Variants in ZNF704 observed in about 807,000 individuals in gnomAD.
The protein encoded by ZNF704 is zinc finger protein 704.
ZNF704 carries 10 observed loss-of-function variants against 44.7 expected under a neutral mutation model. The observed-to-expected ratio is 0.22, with a 90% confidence interval of 0.14 to 0.38. The LOEUF is 0.38. Ranked by LOEUF, ZNF704 falls within the 10% of genes least tolerant of loss-of-function variation. ZNF704 has a pLI of 1.00. For synonymous variants in ZNF704, 211 were observed against 207.6 expected, an observed-to-expected ratio of 1.02 and a Z score of -0.14; for missense variants, 390 against 545.5, an observed-to-expected ratio of 0.71 and a Z score of 2.84.
intron 2 of ZNF704, among the ~76,000 whole-genome samples, chr8:80,765,534 G>A (rs1489752272): frequency 6.6e-6 from 1 of 152,114 alleles, no homozygotes; most frequent in Non-Finnish European, 1.5e-5. Flanking sequence ...TAATAGTTCA[G>A]CCCAACATGA....
intron 4 of ZNF704, 98 bp downstream of exon 4, chr8:80,687,128 G>GGT (rs1209682950): frequency 2.1e-6 from 2 of 947,210 alleles, no homozygotes; most frequent in African/African-American, 3.3e-5. Context: ...ACAGAAAGGG[G>GGT]GTGTAGGTCC....
At position 80,727,295 on chromosome 8, in the gene ZNF704, G is replaced by A. The variant is rs1261378379; in HGVS notation, c.222-34188C>T. Among the ~76,000 whole-genome samples the A allele has an allele frequency of 3.3e-5, 5 of 152,264 alleles. No homozygotes were observed. In the East Asian group the frequency reaches 9.6e-4, roughly 29 times the overall value. Reference sequence around the variant, plus strand: ...TACGATCGGCTCAGACCCAGCATCGGTTCAGTCATAGATCAAGTTGTTGTT... The same window carrying A: ...TACGATCGGCTCAGACCCAGCATCGATTCAGTCATAGATCAAGTTGTTGTT... On this transcript the variant is annotated intron_variant, in intron 2 of 8. Transcript: ENST00000327835.
At chr8:80,673,472 C>G (rs1051882997) in intron 4 of ZNF704, 14 of 152,178 alleles carry the variant, frequency 9.2e-5, no homozygotes, top group African/African-American at 3.4e-4. Flanking sequence ...CCACCCTGAC[C>G]AACACATACA....
intron 7 of ZNF704, among the ~76,000 whole-genome samples, chr8:80,648,594 A>G (rs1373391445): frequency 6.6e-6 from 1 of 152,208 alleles, no homozygotes; most frequent in African/African-American, 2.4e-5. Context: ...AATAATCTAT[A>G]TCTACATCTT....
intron 2 of ZNF704, among the ~76,000 whole-genome samples, chr8:80,819,437 T>C (rs1808228637): frequency 6.6e-6 from 1 of 152,042 alleles, no homozygotes; most frequent in African/African-American, 2.4e-5. Context: ...TAATTCCAGG[T>C]CTTTTAACAT....
chr8:80,677,673 G>C (rs971500640), intron 4 of ZNF704, among the ~76,000 whole-genome samples: 1 of 152,110 alleles, frequency 6.6e-6, no homozygotes, highest in Non-Finnish European at 1.5e-5. Flanking sequence ...CTTTTGCTGG[G>C]TTTTCAAGAG....
chr8:80,864,402 C>A (rs1437629245), intron 1 of ZNF704, among the ~76,000 whole-genome samples: 1 of 152,058 alleles, frequency 6.6e-6, no homozygotes, highest in Non-Finnish European at 1.5e-5. Flanking sequence ...ATATCACAAT[C>A]TATATTCACC....
chr8:80,829,418 G>T (rs368808223), intron 1 of ZNF704, among the ~76,000 whole-genome samples: 3 of 152,244 alleles, frequency 2.0e-5, no homozygotes, highest in Admixed American at 6.5e-5. Flanking sequence ...TAGTTTTGAT[G>T]ATTATAAATT....
At chr8:80,733,161 T>C (rs1806610363) in intron 2 of ZNF704, among the ~76,000 whole-genome samples, 1 of 152,194 alleles carries the variant, frequency 6.6e-6, no homozygotes, top group Non-Finnish European at 1.5e-5. Flanking sequence ...TGGTTTATTT[T>C]GGTAGTTTCA....
chr8:80,826,701 CAGCA>C (rs1448388046), intron 1 of ZNF704, among the ~76,000 whole-genome samples: 1 of 152,176 alleles, frequency 6.6e-6, no homozygotes, highest in Non-Finnish European at 1.5e-5. Flanking sequence ...CCGAATCCAG[CAGCA>C]TATCACAAAG....
intron 6 of ZNF704, among the ~76,000 whole-genome samples, chr8:80,660,483 A>C (rs1030331340): frequency 2.0e-5 from 3 of 152,162 alleles, no homozygotes; most frequent in Non-Finnish European, 2.9e-5. Context: ...AAAAAAAAAA[A>C]AAAACCTGGA....
chr8:80,642,727 T>TA (rs1315413875), intron 8 of ZNF704, among the ~76,000 whole-genome samples: 1 of 152,170 alleles, frequency 6.6e-6, no homozygotes. Context: ...AATTGTATCT[T>TA]ATAGTTCATT....
intron 2 of ZNF704, among the ~76,000 whole-genome samples, chr8:80,787,466 A>G (rs1218604545): frequency 6.6e-6 from 1 of 152,210 alleles, no homozygotes; most frequent in East Asian, 1.9e-4. Context: ...CTAAGCTTTT[A>G]ATAAACACAA....
At position 80,633,212 on chromosome 8, in the gene ZNF704, T is replaced by C. The variant is rs1341891313; in HGVS notation, c.*8154A>G. 7 of 152,240 alleles carry C rather than the reference T, an allele frequency of 4.6e-5. No individual in the cohort carries two copies. The East Asian group carries it at 1.3e-3, about 29-fold the overall frequency. 9.4% of individuals were successfully genotyped at this position (152,240 alleles called of 1,614,324 possible). A position where few individuals can be genotyped will look rare whatever the true frequency, so the allele number is the denominator to read the frequency against. On this transcript the variant is annotated 3_prime_UTR_variant, in exon 9 of 9. Transcript: ENST00000327835. ...ATGTTTTGATTTGATCATTACAGAT[T>C]ATAAATTTGAGCTGGTTTTAAAATT...
intron 2 of ZNF704, among the ~76,000 whole-genome samples, chr8:80,729,196 A>AGCAGAT (rs1363767188): frequency 6.6e-6 from 1 of 152,122 alleles, no homozygotes; most frequent in Non-Finnish European, 1.5e-5. Flanking sequence ...GATAAGAAAG[A>AGCAGAT]GCAGATGGAG....
intron 5 of ZNF704, among the ~76,000 whole-genome samples, chr8:80,668,612 C>T (rs886389335): frequency 3.3e-5 from 5 of 152,192 alleles, no homozygotes; most frequent in Non-Finnish European, 7.4e-5. Context: ...GGGGACACTG[C>T]GTGTCCCACG....
chr8:80,848,561 T>G (rs1041488055), intron 1 of ZNF704, among the ~76,000 whole-genome samples: 8 of 152,146 alleles, frequency 5.3e-5, no homozygotes. Flanking sequence ...TTTTAAAACC[T>G]AGACTGGGTG....
intron 1 of ZNF704, among the ~76,000 whole-genome samples, chr8:80,839,419 C>T (rs1481776024): frequency 6.6e-6 from 1 of 152,208 alleles, no homozygotes; most frequent in Non-Finnish European, 1.5e-5. Context: ...AACTAATGAA[C>T]TCACATTTTA....
At chr8:80,744,823 T>C (rs1806818971) in intron 2 of ZNF704, among the ~76,000 whole-genome samples, 2 of 152,220 alleles carry the variant, frequency 1.3e-5, no homozygotes, top group Admixed American at 1.3e-4. Context: ...TTATGTGGTT[T>C]AAACTAGAAG....
Sources: allele counts gnomAD v4.1 joint callset (sites outside exome capture counted in the v4.1 genomes callset), GRCh38; gene constraint gnomAD v4.1.1; transcripts MANE v1.5; gene names NCBI Gene and HGNC (gene_info 2026-07-23, HGNC 2026-07-21).